The following RIN2 variants were observed in gnomAD, a reference collection of about 807,000 sequenced individuals.
RIN2 encodes the protein Ras and Rab interactor 2.
Under a neutral mutation model 78.0 loss-of-function variants are expected in RIN2, and 36 were observed. That is an observed-to-expected ratio of 0.46 (90% CI 0.35 to 0.61). The LOEUF (loss-of-function observed/expected upper bound fraction) is 0.61. RIN2 is among the 20% of genes least tolerant of loss of function. The pLI is 0.00. For synonymous variants in RIN2, 466 were observed against 466.8 expected, an observed-to-expected ratio of 1.00 and a Z score of 0.02; for missense variants, 1,087 against 1,159.7, an observed-to-expected ratio of 0.94 and a Z score of 0.91.
intron 3 of RIN2, chr20:19,934,460 C>A: frequency 2.0e-6 from 2 of 985,124 alleles, no homozygotes; most frequent in Non-Finnish European, 2.4e-6. Context: ...GAGATGGGGC[C>A]GCCTTTTCCC....
intron 3 of RIN2, among the ~76,000 whole-genome samples, chr20:19,893,768 T>C (rs1211433094): frequency 3.3e-5 from 5 of 152,176 alleles, no homozygotes; most frequent in Non-Finnish European, 1.5e-5. Context: ...GGTATCTTCC[T>C]GCTCCACAAA....
chr20:19,760,454 AT>A (rs1475496736), intron 1 of RIN2, among the ~76,000 whole-genome samples: 1 of 152,166 alleles, frequency 6.6e-6, no homozygotes, highest in Non-Finnish European at 1.5e-5. Context: ...CAGGATGGCT[AT>A]GGCGTGTGCT....
chr20:19,945,649 C>T (rs1466977644), intron 4 of RIN2, among the ~76,000 whole-genome samples: 1 of 152,158 alleles, frequency 6.6e-6, no homozygotes, highest in African/African-American at 2.4e-5. Context: ...TACACTAAAG[C>T]TCATCACTGA....
chr20:19,960,385 A>G (rs894223329), intron 5 of RIN2, among the ~76,000 whole-genome samples: 2 of 152,230 alleles, frequency 1.3e-5, no homozygotes, highest in African/African-American at 2.4e-5. Flanking sequence ...CATATAAGAC[A>G]GGGGCTGGAG....
chr20:19,772,698 A>G (rs900645697), intron 1 of RIN2, among the ~76,000 whole-genome samples: 2 of 152,096 alleles, frequency 1.3e-5, no homozygotes, highest in African/African-American at 4.8e-5. Flanking sequence ...TCATCTCAGA[A>G]CCCTGACCAG....
At chr20:19,838,903 C>T (rs551613309) in intron 2 of RIN2, among the ~76,000 whole-genome samples, 25 of 152,244 alleles carry the variant, frequency 1.6e-4, no homozygotes, top group African/African-American at 5.5e-4. Context: ...TCTCCAGCCC[C>T]CAAACCTCCA....
intron 3 of RIN2, among the ~76,000 whole-genome samples, chr20:19,903,347 C>T (rs769546195): frequency 1.3e-5 from 2 of 152,112 alleles, no homozygotes; most frequent in Non-Finnish European, 2.9e-5. Context: ...TTTCAGCATC[C>T]TGGTTTCTGT....
intron 2 of RIN2, among the ~76,000 whole-genome samples, chr20:19,881,880 T>A (rs759032902): frequency 6.6e-6 from 1 of 152,238 alleles, no homozygotes; most frequent in Non-Finnish European, 1.5e-5. Flanking sequence ...ATTTCAATAC[T>A]CCATTGCTGG....
At position 20,000,647 on chromosome 20, in the gene RIN2, G is replaced by T. The variant is rs372598558; in HGVS notation, c.2399G>T (p.Ser800Ile). 7 of 1,606,922 alleles carry T rather than the reference G, an allele frequency of 4.4e-6. No homozygotes were observed. Among genetic ancestry groups the T allele is most frequent in the Non-Finnish European group, 5.1e-6 (6 of 1,174,254 alleles). ...YLRVAFQEVN[S>I]GCTGKTLLVR... ...CGAGTTGCATTTCAGGAGGTCAACA[G>T]TGGTTGCACAGGAAAGACCCTCCTT... is the stretch of plus-strand genomic sequence containing the variant. Residue 800 changes from serine to isoleucine, a missense_variant, in exon 13 of 13, where the codon AGT (serine) becomes ATT (isoleucine). Transcript: ENST00000255006.
intron 2 of RIN2, among the ~76,000 whole-genome samples, chr20:19,799,950 A>T (rs2035188511): frequency 6.6e-6 from 1 of 152,204 alleles, no homozygotes; most frequent in South Asian, 2.1e-4. Context: ...CAGCAGGGCC[A>T]CATCAAGATC....
chr20:19,986,947 G>A (rs2042641237), intron 9 of RIN2, among the ~76,000 whole-genome samples: 1 of 152,164 alleles, frequency 6.6e-6, no homozygotes. Flanking sequence ...TCCTGTCCTG[G>A]CCCAGATCCT....
At chr20:19,960,551 C>A in intron 5 of RIN2, 149 bp from the exon 6 acceptor site, 1 of 653,384 alleles carries the variant, frequency 1.5e-6, no homozygotes, top group East Asian at 2.8e-5. Context: ...GCTCTGAGCA[C>A]CCCTTTCTAT....
At chr20:19,758,070 C>G (rs1048206830), upstream of RIN2, 1 of 152,436 alleles carries the variant, frequency 6.6e-6, no homozygotes, top group African/African-American at 2.4e-5. Flanking sequence ...GCCCCATCTC[C>G]TCTGCGAGCT....
intron 2 of RIN2, among the ~76,000 whole-genome samples, chr20:19,876,712 C>A (rs1376690523): frequency 6.6e-6 from 1 of 152,132 alleles, no homozygotes; most frequent in Non-Finnish European, 1.5e-5. Context: ...CAAGACCAGC[C>A]TGGCAAACAT....
At chr20:19,936,107 G>A (rs2040630855) in intron 4 of RIN2, among the ~76,000 whole-genome samples, 1 of 152,200 alleles carries the variant, frequency 6.6e-6, no homozygotes, top group African/African-American at 2.4e-5. Context: ...ACGGGAGAGA[G>A]CAACATCCCA....
intron 1 of RIN2, among the ~76,000 whole-genome samples, chr20:19,775,614 A>G (rs62200329): frequency 0.082 from 12,540 of 152,302 alleles, 996 homozygotes; most frequent in African/African-American, 0.21. Flanking sequence ...TACTTACACC[A>G]GTCTTGAAGA....
intron 2 of RIN2, among the ~76,000 whole-genome samples, chr20:19,869,699 A>G (rs1014170877): frequency 6.6e-6 from 1 of 151,360 alleles, no homozygotes; most frequent in Admixed American, 6.6e-5. Context: ...AATCACAGCT[A>G]CTGCAGCCTC....
chr20:19,898,131 A>G (rs2038819860), intron 3 of RIN2, among the ~76,000 whole-genome samples: 6 of 152,256 alleles, frequency 3.9e-5, no homozygotes, highest in Admixed American at 3.9e-4. Flanking sequence ...CCTATCGAAC[A>G]GAAATTCCTT....
chr20:19,935,035 G>C lies in RIN2; in HGVS notation c.58-64G>C, dbSNP rs191586544. ...TCCTATTGAAAAGCCTGAGTTCCCC[G>C]GGCGCTGTGGGCATGCCACGCCTCT... On this transcript the variant is annotated intron_variant, in intron 3 of 12. Transcript: ENST00000255006. The C allele has an allele frequency of 1.9e-5, 23 of 1,214,670 alleles. No individual in the cohort carries two copies. The East Asian group carries it at 5.3e-4, about 28-fold the overall frequency. The allele number at this position is 1,214,670 out of a possible 1,614,324, so 75.2% of individuals were successfully genotyped here.
Sources: gnomAD v4.1 joint callset for allele counts (sites outside exome capture counted in the v4.1 genomes callset) on GRCh38, gnomAD v4.1.1 for gene constraint, MANE v1.5 for transcripts, NCBI Gene and HGNC (gene_info 2026-07-23, HGNC 2026-07-21) for gene names.